Variants in SGCZ observed in about 807,000 individuals in gnomAD.
SGCZ encodes the protein sarcoglycan zeta.
Under a neutral mutation model 41.3 loss-of-function variants are expected in SGCZ, and 40 were observed. That is an observed-to-expected ratio of 0.97 (90% confidence interval 0.75 to 1.26). The LOEUF (loss-of-function observed/expected upper bound fraction) is 1.26, where lower values mean the gene tolerates loss of function less well. Among genes scored for constraint, SGCZ ranks in the 50% most tolerant of loss-of-function variants. The probability of loss-of-function intolerance (pLI) is 0.00; values close to 1 mark genes in which losing one functional copy is unlikely to be tolerated. For missense variants in SGCZ, 552 were observed against 369.8 expected (o/e 1.49, Z -4.04); for synonymous variants, 206 against 137.5 (o/e 1.50, Z -3.49).
At chr8:14,687,318 A>G (rs1808644421) in intron 1 of SGCZ, among the ~76,000 whole-genome samples, 1 of 141,684 alleles carries the variant, frequency 7.1e-6, no homozygotes, top group African/African-American at 2.9e-5. Context: ...AGCATTAGGT[A>G]TATCTCCTAA....
intron 5 of SGCZ, among the ~76,000 whole-genome samples, chr8:14,149,087 T>G (rs1327769593): frequency 6.6e-6 from 1 of 151,974 alleles, no homozygotes; most frequent in Non-Finnish European, 1.5e-5. Flanking sequence ...TCATAGTGAG[T>G]GGGGAAAAAC....
chr8:14,219,793 T>C (rs939178631), intron 4 of SGCZ, among the ~76,000 whole-genome samples: 9 of 152,018 alleles, frequency 5.9e-5, no homozygotes, highest in Non-Finnish European at 1.5e-5. Flanking sequence ...TTTTGCCTCA[T>C]TCACCATATT....
At chr8:14,941,083 A>T (rs543862057) in intron 1 of SGCZ, among the ~76,000 whole-genome samples, 2 of 152,258 alleles carry the variant, frequency 1.3e-5, no homozygotes, top group South Asian at 4.1e-4. Context: ...AGCATTAGGC[A>T]AAGTTTAAAA....
chr8:14,163,207 T>C (rs1343804993), intron 5 of SGCZ, among the ~76,000 whole-genome samples: 1 of 152,128 alleles, frequency 6.6e-6, no homozygotes. Flanking sequence ...CATGTGAAGG[T>C]TTGTTACAGA....
rs189053954 is a variant in SGCZ at position 14,342,378 on chromosome 8, G to A, written c.235-18174C>T. ...GTCGCCCAGGCTGGAGTGCACTGGCGCTATCTCGGCTCACTGCAAGCTCTG... is the reference window on the plus strand; with the variant it reads ...GTCGCCCAGGCTGGAGTGCACTGGCACTATCTCGGCTCACTGCAAGCTCTG... On this transcript the variant is annotated intron_variant, in intron 2 of 7. Coordinates refer to ENST00000382080, the MANE Select transcript of SGCZ (RefSeq NM_139167.4). Among the ~76,000 whole-genome samples, 977 of 152,082 alleles carry A rather than the reference G, an allele frequency of 6.4e-3. 15 individuals carry two copies. Among genetic ancestry groups the A allele is most frequent in the African/African-American group, 0.021 (870 of 41,492 alleles).
chr8:14,522,932 T>A (rs1469183430), intron 2 of SGCZ, among the ~76,000 whole-genome samples: 1 of 151,876 alleles, frequency 6.6e-6, no homozygotes, highest in African/African-American at 2.4e-5. Flanking sequence ...TTTTTATTAT[T>A]CTATTTTGAT....
intron 1 of SGCZ, among the ~76,000 whole-genome samples, chr8:14,616,006 G>A (rs1316518510): frequency 6.6e-6 from 1 of 152,128 alleles, no homozygotes; most frequent in African/African-American, 2.4e-5. Context: ...ACCCTGGGCT[G>A]GGCGCAGTGG....
intron 4 of SGCZ, among the ~76,000 whole-genome samples, chr8:14,178,396 T>C (rs925326606): frequency 1.3e-5 from 2 of 152,226 alleles, no homozygotes; most frequent in African/African-American, 4.8e-5. Flanking sequence ...TTTTGGTCCA[T>C]AGCCGTCATT....
intron 4 of SGCZ, among the ~76,000 whole-genome samples, chr8:14,217,025 C>A (rs183922860): frequency 1.8e-3 from 281 of 152,256 alleles, no homozygotes; most frequent in Middle Eastern, 6.8e-3. Context: ...CGGTGGCTCA[C>A]GCCTGTAATC....
intron 2 of SGCZ, among the ~76,000 whole-genome samples, chr8:14,352,416 G>A (rs1368577549): frequency 6.6e-6 from 1 of 152,020 alleles, no homozygotes; most frequent in Non-Finnish European, 1.5e-5. Flanking sequence ...TGTAAAGAAA[G>A]GGAAGAAATA....
intron 1 of SGCZ, among the ~76,000 whole-genome samples, chr8:14,594,554 G>A (rs1405435717): frequency 6.7e-6 from 1 of 150,236 alleles, no homozygotes; most frequent in Non-Finnish European, 1.5e-5. Flanking sequence ...GCATGGTGAT[G>A]ATGCATAATT....
At chr8:14,377,485 A>T (rs1804175437) in intron 2 of SGCZ, among the ~76,000 whole-genome samples, 1 of 150,210 alleles carries the variant, frequency 6.7e-6, no homozygotes. Flanking sequence ...TATCCTGAGA[A>T]CCCTTGATTT....
At chr8:14,550,368 T>A (rs1207126737) in intron 2 of SGCZ, among the ~76,000 whole-genome samples, 1 of 149,920 alleles carries the variant, frequency 6.7e-6, no homozygotes, top group East Asian at 1.9e-4. Flanking sequence ...TTATTTTATA[T>A]AAAATTTATA....
At chr8:14,320,708 G>C (rs1325077405) in intron 3 of SGCZ, among the ~76,000 whole-genome samples, 2 of 151,988 alleles carry the variant, frequency 1.3e-5, no homozygotes, top group Non-Finnish European at 2.9e-5. Flanking sequence ...CTTAACTGTG[G>C]AGTTACTGGA....
chr8:15,051,976 G>A (rs766538635), intron 1 of SGCZ, among the ~76,000 whole-genome samples: 36 of 152,236 alleles, frequency 2.4e-4, no homozygotes, highest in Non-Finnish European at 5.1e-4. Context: ...AGATGAACTC[G>A]AGGCCAAGAT....
intron 4 of SGCZ, among the ~76,000 whole-genome samples, chr8:14,216,273 C>A (rs1805990328): frequency 6.6e-6 from 1 of 152,100 alleles, no homozygotes; most frequent in Non-Finnish European, 1.5e-5. Context: ...TTTGCAAACC[C>A]CTGGACTTCC....
chr8:15,181,122 A>C (rs17609962), intron 1 of SGCZ, among the ~76,000 whole-genome samples: 1,948 of 152,312 alleles, frequency 0.013, 40 homozygotes, highest in East Asian at 0.082. Flanking sequence ...TTTAATGAGA[A>C]AAAATTACAC....
chr8:14,554,494 C>G (rs920788754), intron 2 of SGCZ, among the ~76,000 whole-genome samples: 1 of 151,928 alleles, frequency 6.6e-6, no homozygotes, highest in African/African-American at 2.4e-5. Flanking sequence ...AATCAATGTG[C>G]TGTACTGTCT....
At chr8:14,930,226 C>G (rs1436777922) in intron 1 of SGCZ, among the ~76,000 whole-genome samples, 1 of 151,874 alleles carries the variant, frequency 6.6e-6, no homozygotes. Flanking sequence ...AGCCGACAAA[C>G]ATATGAAAAA....
Sources: gnomAD v4.1 joint callset for allele counts (sites outside exome capture counted in the v4.1 genomes callset) on GRCh38, gnomAD v4.1.1 for gene constraint, MANE v1.5 for transcripts, NCBI Gene and HGNC (gene_info 2026-07-23, HGNC 2026-07-21) for gene names.